OTOF: variants seen among roughly 807,000 people sequenced by gnomAD.
OTOF encodes the protein otoferlin.
In OTOF, 218 loss-of-function variants were observed where a neutral mutation model predicts 236.8. The ratio of observed to expected loss-of-function variants is 0.92; its 90% confidence interval spans 0.82 to 1.03. The LOEUF is 1.03. Among genes scored for constraint, OTOF ranks in the 50% least tolerant of loss-of-function variants. The probability of loss-of-function intolerance (pLI) is 0.00; values close to 1 mark genes in which losing one functional copy is unlikely to be tolerated. For synonymous variants in OTOF, 1,041 were observed against 1,072.5 expected (o/e 0.97, Z 0.57); for missense variants, 2,590 against 2,694.4 (o/e 0.96, Z 0.86).
chr2:26,502,196 T>C (rs1422227526), intron 7 of OTOF, 104 bp downstream of exon 7: 2 of 1,252,278 alleles, frequency 1.6e-6, no homozygotes, highest in Non-Finnish European at 2.3e-6. Flanking sequence ...GAAGAAGCCG[T>C]CCATGAGCCC....
intron 5 of OTOF, among the ~76,000 whole-genome samples, chr2:26,511,467 A>C (rs1666388021): frequency 1.3e-5 from 2 of 152,230 alleles, no homozygotes; most frequent in African/African-American, 4.8e-5. Flanking sequence ...TGAAGACAGG[A>C]AAGTGAATAA....
In OTOF at chr2:26,550,636, G is replaced by A. The variant is rs188303760; in HGVS notation, c.79+7857C>T. Among the ~76,000 whole-genome samples the A allele has an allele frequency of 6.6e-5, 10 of 152,052 alleles. No individual in the cohort carries two copies. In the South Asian group the frequency reaches 8.3e-4, roughly 13 times the overall value. ...CCCTGTACCCCAAATCCCTGGGTCC[G>A]CGGTGGTCCCCAGGACCACAATTGA... On this transcript the variant is annotated intron_variant, in intron 1 of 46. Transcript: ENST00000272371.
intron 1 of OTOF, among the ~76,000 whole-genome samples, chr2:26,549,780 A>G (rs890240079): frequency 6.6e-6 from 1 of 152,066 alleles, no homozygotes; most frequent in Non-Finnish European, 1.5e-5. Context: ...TCCTCACTCA[A>G]ACTCTGACTT....
At chr2:26,544,901 C>T (rs555131650) in intron 1 of OTOF, among the ~76,000 whole-genome samples, 2 of 151,748 alleles carry the variant, frequency 1.3e-5, no homozygotes, top group Non-Finnish European at 2.9e-5. Context: ...ATTAGCCAGG[C>T]GTGGTGGTGC....
chr2:26,482,270 G>T (rs1382092257), intron 14 of OTOF, 136 bp downstream of exon 14: 14 of 832,394 alleles, frequency 1.7e-5, no homozygotes, highest in Non-Finnish European at 2.7e-5. Context: ...AGGGGCTGCT[G>T]GCAAGGCCCT....
chr2:26,547,736 G>A lies in OTOF; in HGVS notation c.80-9962C>T, dbSNP rs138480924. ...GTGTAGTCTCAGCTGCTCTACTCGG[G>A]AGGCTGAGGCAGGAGAATCACTTGA... On this transcript the variant is annotated intron_variant, in intron 1 of 46. Coordinates refer to ENST00000272371, the MANE Select transcript of OTOF (RefSeq NM_194248.3). Among the ~76,000 whole-genome samples, 271 of 152,228 alleles carry A rather than the reference G, an allele frequency of 1.8e-3. 1 individual carries two copies. The highest frequency in any genetic ancestry group is 6.2e-3 in the African/African-American group (258 of 41,522).
chr2:26,474,758 A>G, intron 25 of OTOF, 84 bp from the exon 26 acceptor site: 2 of 1,459,630 alleles, frequency 1.4e-6, no homozygotes, highest in Non-Finnish European at 1.9e-6. Context: ...CAGCGCCATG[A>G]GTTGTTGTAA....
intron 25 of OTOF, 70 bp from the exon 26 acceptor site, chr2:26,474,744 A>T: frequency 6.4e-7 from 1 of 1,552,446 alleles, no homozygotes; most frequent in Non-Finnish European, 8.9e-7. Flanking sequence ...TTTGGTCCTT[A>T]CCACAGCGCC....
intron 32 of OTOF, among the ~76,000 whole-genome samples, chr2:26,468,794 T>C (rs1430128559): frequency 6.6e-6 from 1 of 152,032 alleles, no homozygotes; most frequent in Non-Finnish European, 1.5e-5. Context: ...GAAGAAACTG[T>C]CACAAGGACA....
At chr2:26,466,675 G>A in intron 36 of OTOF, 39 bp downstream of exon 36, 1 of 1,612,592 alleles carries the variant, frequency 6.2e-7, no homozygotes, top group South Asian at 1.1e-5. Context: ...ATGGGAGGAT[G>A]AGGAGACTTG....
Position 26,460,831 on chromosome 2 carries a change from C to T in OTOF, c.5712+21G>A, listed in dbSNP as rs780415388. 25 of 1,613,828 alleles carry T rather than the reference C, an allele frequency of 1.5e-5. No individual in the cohort carries two copies. The highest frequency in any genetic ancestry group is 3.3e-5 in the Admixed American group (2 of 60,000). On this transcript the variant is annotated intron_variant, in intron 44 of 46. Transcript: ENST00000272371. The surrounding 1 kb of genome is among the most constrained non-coding windows in gnomAD (Gnocchi z 5.3). ...GCCAGTCCCAGCCCTGCCTACTGCC[C>T]GAGCAGGAAGGGGTGCGCACCGTGA...
At chr2:26,526,191 G>A (rs959712278) in intron 3 of OTOF, among the ~76,000 whole-genome samples, 10 of 151,670 alleles carry the variant, frequency 6.6e-5, no homozygotes, top group Non-Finnish European at 1.2e-4. Context: ...GGTAAGTGGT[G>A]GATGAATGGA....
At chr2:26,516,235 G>A (rs1257313043) in intron 5 of OTOF, among the ~76,000 whole-genome samples, 183 bp downstream of exon 5, 1 of 152,184 alleles carries the variant, frequency 6.6e-6, no homozygotes, top group Non-Finnish European at 1.5e-5. Flanking sequence ...AGTGACCTCG[G>A]GGGTGGACGG....
At chr2:26,474,236 T>C (rs1665139873) in intron 26 of OTOF, 126 bp from the exon 27 acceptor site, 1 of 1,333,932 alleles carries the variant, frequency 7.5e-7, no homozygotes, top group African/African-American at 1.4e-5. Context: ...CCAGCTTTGG[T>C]CAGGATGGGT....
chr2:26,491,510 A>T (rs191973161), intron 9 of OTOF, among the ~76,000 whole-genome samples: 1 of 152,314 alleles, frequency 6.6e-6, no homozygotes, highest in East Asian at 1.9e-4. Flanking sequence ...AGAACACCTT[A>T]TAGGCAAGGA....
chr2:26,507,699 C>T (rs908945838), intron 5 of OTOF, among the ~76,000 whole-genome samples: 5 of 152,126 alleles, frequency 3.3e-5, no homozygotes, highest in East Asian at 1.9e-4. Context: ...TATTCTTGGG[C>T]GTATTAAAGC....
chr2:26,553,807 C>T (rs561387338), intron 1 of OTOF, among the ~76,000 whole-genome samples: 1 of 152,318 alleles, frequency 6.6e-6, no homozygotes, highest in East Asian at 1.9e-4. Context: ...CTGTCTTCCC[C>T]TAACTGACTC....
intron 1 of OTOF, among the ~76,000 whole-genome samples, chr2:26,555,536 G>A (rs1667564120): frequency 6.6e-6 from 1 of 152,176 alleles, no homozygotes. Context: ...CTGACCGAGG[G>A]GCCGACTGGC....
intron 5 of OTOF, among the ~76,000 whole-genome samples, chr2:26,508,562 G>A (rs1374922529): frequency 6.6e-6 from 1 of 152,192 alleles, no homozygotes; most frequent in Non-Finnish European, 1.5e-5. Context: ...TGGCTCTTCA[G>A]TTCTTGCTGG....
Sources: gnomAD v4.1 joint callset for allele counts (sites outside exome capture counted in the v4.1 genomes callset) on GRCh38, gnomAD v4.1.1 for gene constraint, Gnocchi (gnomAD v3.1) non-coding constraint, MANE v1.5 for transcripts, NCBI Gene and HGNC (gene_info 2026-07-23, HGNC 2026-07-21) for gene names.